Variants in CNTN3 observed in about 807,000 individuals in gnomAD.
The protein encoded by CNTN3 is contactin-3.
Under a neutral mutation model 119.1 loss-of-function variants are expected in CNTN3, and 60 were observed. That is an observed-to-expected ratio of 0.50 (90% confidence interval 0.41 to 0.62). The LOEUF (loss-of-function observed/expected upper bound fraction) is 0.62, where lower values mean the gene tolerates loss of function less well. Among genes scored for constraint, CNTN3 ranks in the 20% least tolerant of loss-of-function variants. CNTN3 has a pLI of 0.00. For synonymous variants in CNTN3, 450 were observed against 438.7 expected, an observed-to-expected ratio of 1.03 and a Z score of -0.32; for missense variants, 1,101 against 1,242.4, an observed-to-expected ratio of 0.89 and a Z score of 1.71.
chr3:74,444,797 G>C (rs1486239553), intron 4 of CNTN3, among the ~76,000 whole-genome samples: 1 of 152,036 alleles, frequency 6.6e-6, no homozygotes, highest in African/African-American at 2.4e-5. Context: ...CTGAATATGG[G>C]CTTTCTTCAC....
At chr3:74,542,622 T>C (rs1017971498) in intron 1 of CNTN3, among the ~76,000 whole-genome samples, 1 of 152,208 alleles carries the variant, frequency 6.6e-6, no homozygotes. Flanking sequence ...GATAATATGA[T>C]GAATGACAAA....
intron 5 of CNTN3, among the ~76,000 whole-genome samples, chr3:74,375,134 T>C (rs1246059912): frequency 6.6e-6 from 1 of 152,160 alleles, no homozygotes; most frequent in Non-Finnish European, 1.5e-5. Context: ...CCAATGATCT[T>C]CCTCTACCGA....
intron 4 of CNTN3, among the ~76,000 whole-genome samples, chr3:74,439,618 T>C (rs1277177913): frequency 6.6e-6 from 1 of 152,194 alleles, no homozygotes; most frequent in Non-Finnish European, 1.5e-5. Context: ...GATTAGGTTT[T>C]GCCTAAAATC....
intron 1 of CNTN3, among the ~76,000 whole-genome samples, chr3:74,601,336 T>C (rs1034895491): frequency 6.6e-6 from 1 of 152,054 alleles, no homozygotes; most frequent in Admixed American, 6.6e-5. Context: ...ATAAGAAGCA[T>C]ACAGATTACT....
intron 4 of CNTN3, among the ~76,000 whole-genome samples, chr3:74,450,956 T>C (rs200513117): frequency 1.3e-4 from 20 of 151,720 alleles, no homozygotes; most frequent in Admixed American, 1.2e-3. Flanking sequence ...CTACTGTGAA[T>C]AGTGCTGCAA....
chr3:74,309,992 A>G (rs1702645832), intron 13 of CNTN3, among the ~76,000 whole-genome samples: 1 of 152,232 alleles, frequency 6.6e-6, no homozygotes, highest in South Asian at 2.1e-4. Flanking sequence ...AGATACATAC[A>G]TAAATTTACT....
chr3:74,543,195 G>A (rs1047900617), intron 1 of CNTN3, among the ~76,000 whole-genome samples: 1 of 152,122 alleles, frequency 6.6e-6, no homozygotes, highest in Non-Finnish European at 1.5e-5. Flanking sequence ...TACATGAAAT[G>A]CATGAAAAAG....
chr3:74,327,105 CCTTT>C (rs1473716627), intron 13 of CNTN3, among the ~76,000 whole-genome samples: 9,478 of 90,354 alleles, frequency 0.1, 193 homozygotes, highest in East Asian at 0.33. Flanking sequence ...AAGGGTTAAT[CCTTT>C]TTTTTTTTTT....
intron 1 of CNTN3, among the ~76,000 whole-genome samples, chr3:74,539,653 G>A (rs1004352338): frequency 1.3e-5 from 2 of 151,994 alleles, no homozygotes; most frequent in African/African-American, 4.8e-5. Context: ...ATGGGATTCC[G>A]GTGCTGCTTT....
At chr3:74,377,861 G>C (rs1319561194) in intron 5 of CNTN3, among the ~76,000 whole-genome samples, 2 of 152,086 alleles carry the variant, frequency 1.3e-5, no homozygotes, top group Non-Finnish European at 2.9e-5. Flanking sequence ...TGTCACTCTG[G>C]TGTTTATCTG....
chr3:74,437,275 G>A (rs1701883513), intron 4 of CNTN3, among the ~76,000 whole-genome samples: 2 of 152,018 alleles, frequency 1.3e-5, no homozygotes, highest in Non-Finnish European at 2.9e-5. Flanking sequence ...TGGTTATCAT[G>A]GTGAATGAAG....
In CNTN3 at chr3:74,323,402, A is replaced by G. The variant is rs112684852; in HGVS notation, c.1668+11333T>C. Among the ~76,000 whole-genome samples, 547 of 152,344 alleles carry G rather than the reference A, an allele frequency of 3.6e-3. 1 individual carries two copies. Among genetic ancestry groups the G allele is most frequent in the African/African-American group, 0.012 (509 of 41,584 alleles). ...ATGTCCAGAATATGCAAATAGGTAT[A>G]TAGAGAAAGTAGATCGGTGGTTGCC... On this transcript the variant is annotated intron_variant, in intron 13 of 22. Transcript: ENST00000263665.
At chr3:74,475,177 C>A (rs1260927661) in intron 4 of CNTN3, among the ~76,000 whole-genome samples, 2 of 152,180 alleles carry the variant, frequency 1.3e-5, no homozygotes, top group African/African-American at 4.8e-5. Flanking sequence ...ACCTGCTTCA[C>A]TCACTAACAT....
chr3:74,272,987 T>C (rs1439274396), intron 20 of CNTN3, among the ~76,000 whole-genome samples: 1 of 152,124 alleles, frequency 6.6e-6, no homozygotes, highest in East Asian at 1.9e-4. Context: ...AGAAGGTCAA[T>C]TTTTAAGAAA....
intron 1 of CNTN3, among the ~76,000 whole-genome samples, chr3:74,524,273 G>A (rs184810567): frequency 3.3e-5 from 5 of 151,894 alleles, no homozygotes; most frequent in East Asian, 3.9e-4. Context: ...GTACCTCTTC[G>A]GTGCTGGGAT....
intron 11 of CNTN3, among the ~76,000 whole-genome samples, chr3:74,351,789 C>T (rs1703822777): frequency 6.6e-6 from 1 of 152,058 alleles, no homozygotes; most frequent in Non-Finnish European, 1.5e-5. Flanking sequence ...ACCATGAGCC[C>T]CATCCCAAAC....
chr3:74,367,091 T>C (rs1704214388), intron 8 of CNTN3, among the ~76,000 whole-genome samples: 1 of 151,762 alleles, frequency 6.6e-6, no homozygotes, highest in Non-Finnish European at 1.5e-5. Flanking sequence ...CTTTATTCCA[T>C]CATATGAGAT....
chr3:74,312,717 A>G (rs1008198974), intron 13 of CNTN3, among the ~76,000 whole-genome samples: 6 of 152,232 alleles, frequency 3.9e-5, no homozygotes, highest in East Asian at 1.9e-4. Flanking sequence ...CCATTACATT[A>G]CTAGAGGCTT....
chr3:74,386,574 GA>G (rs1325283624), intron 5 of CNTN3, among the ~76,000 whole-genome samples: 5 of 152,148 alleles, frequency 3.3e-5, no homozygotes, highest in Non-Finnish European at 5.9e-5. Context: ...CACATACACA[GA>G]AAACAAACAA....
Sources: gnomAD v4.1 joint callset for allele counts (sites outside exome capture counted in the v4.1 genomes callset) on GRCh38, gnomAD v4.1.1 for gene constraint, MANE v1.5 for transcripts, NCBI Gene and HGNC (gene_info 2026-07-23, HGNC 2026-07-21) for gene names.